PRKG1: variants seen among roughly 807,000 people sequenced by gnomAD.
The protein encoded by PRKG1 is cGMP-dependent protein kinase 1.
A neutral mutation model predicts 88.1 loss-of-function variants in PRKG1; 35 were observed. The observed-to-expected ratio is 0.40, with a 90% CI of 0.30 to 0.53. The LOEUF (loss-of-function observed/expected upper bound fraction) is 0.53, where lower values mean the gene tolerates loss of function less well. Ranked by LOEUF, PRKG1 falls within the 20% of genes least tolerant of loss-of-function variation. PRKG1 has a pLI of 0.59. For missense variants in PRKG1, 540 were observed against 839.8 expected, an observed-to-expected ratio of 0.64 and a Z score of 4.41; for synonymous variants, 303 against 292.5, an observed-to-expected ratio of 1.04 and a Z score of -0.37.
At chr10:52,108,163 T>C (rs754272870) in intron 7 of PRKG1, among the ~76,000 whole-genome samples, 59 of 152,336 alleles carry the variant, frequency 3.9e-4, no homozygotes, top group Middle Eastern at 3.4e-3. Context: ...AATACAAATA[T>C]TGACTCCAGT....
chr10:52,045,517 A>G (rs1426029151), intron 5 of PRKG1, among the ~76,000 whole-genome samples: 1 of 152,110 alleles, frequency 6.6e-6, no homozygotes, highest in East Asian at 1.9e-4. Context: ...TTGTTATGAC[A>G]TAAAGGAATG....
chr10:51,967,319 C>A (rs905920277), intron 5 of PRKG1, among the ~76,000 whole-genome samples: 5 of 152,140 alleles, frequency 3.3e-5, no homozygotes, highest in African/African-American at 7.2e-5. Context: ...GGACAAAAAA[C>A]CAAACACCAC....
chr10:51,593,622 G>A (rs1838366433), intron 3 of PRKG1, among the ~76,000 whole-genome samples: 1 of 152,094 alleles, frequency 6.6e-6, no homozygotes, highest in Non-Finnish European at 1.5e-5. Context: ...CACTCAACAT[G>A]GTAAAGGCAT....
intron 3 of PRKG1, among the ~76,000 whole-genome samples, chr10:51,743,735 T>TA (rs1491357636): frequency 8.8e-5 from 3 of 34,170 alleles, no homozygotes; most frequent in African/African-American, 4.6e-4. Flanking sequence ...TAATATAAAC[T>TA]AAATATATAT....
intron 5 of PRKG1, among the ~76,000 whole-genome samples, chr10:52,008,017 C>A (rs11000434): frequency 0.13 from 19,836 of 152,094 alleles, 1,701 homozygotes; most frequent in Non-Finnish European, 0.18. Flanking sequence ...ACAATCTGCT[C>A]CTGTATGACT....
intron 5 of PRKG1, among the ~76,000 whole-genome samples, chr10:52,045,148 A>G (rs574462384): frequency 6.6e-6 from 1 of 152,064 alleles, no homozygotes; most frequent in Admixed American, 6.6e-5. Context: ...CAATCCCAGC[A>G]CCTTAATAAG....
chr10:52,068,455 C>T (rs1335919374), intron 7 of PRKG1, among the ~76,000 whole-genome samples: 1 of 152,052 alleles, frequency 6.6e-6, no homozygotes, highest in African/African-American at 2.4e-5. Flanking sequence ...AGCCAGATTG[C>T]CTGCTTTGGA....
chr10:51,012,523 C>A (rs905019585), intron 1 of PRKG1, among the ~76,000 whole-genome samples: 1 of 152,200 alleles, frequency 6.6e-6, no homozygotes, highest in East Asian at 1.9e-4. Flanking sequence ...CATGGGCATA[C>A]AATCAGTGAG....
At chr10:52,252,807 G>A (rs1459704271) in intron 10 of PRKG1, 3 of 150,820 alleles carry the variant, frequency 2.0e-5, no homozygotes, top group Non-Finnish European at 4.4e-5. Flanking sequence ...AGTCCATAGT[G>A]TGCCTTTGAC....
intron 9 of PRKG1, among the ~76,000 whole-genome samples, chr10:52,230,261 A>T (rs1194400420): frequency 6.6e-6 from 1 of 152,188 alleles, no homozygotes; most frequent in Non-Finnish European, 1.5e-5. Context: ...ATCCCAGCCA[A>T]GGGGTGAGGG....
chr10:51,793,673 T>C (rs1838931240), intron 3 of PRKG1, among the ~76,000 whole-genome samples: 2 of 152,116 alleles, frequency 1.3e-5, no homozygotes, highest in South Asian at 2.1e-4. Context: ...AATTCCAATA[T>C]GCCTAGCAGC....
chr10:51,136,425 A>G (rs1589184391), intron 1 of PRKG1, among the ~76,000 whole-genome samples: 2 of 152,210 alleles, frequency 1.3e-5, no homozygotes, highest in East Asian at 3.9e-4. Context: ...TAGTAATTTC[A>G]GCGAAATTAT....
chr10:51,782,687 G>C (rs1256658852), intron 3 of PRKG1, among the ~76,000 whole-genome samples: 1 of 152,096 alleles, frequency 6.6e-6, no homozygotes, highest in Non-Finnish European at 1.5e-5. Context: ...TCATGGTAGT[G>C]AATAAGTCTC....
intron 3 of PRKG1, among the ~76,000 whole-genome samples, chr10:51,733,593 T>G (rs988706337): frequency 1.3e-5 from 2 of 152,198 alleles, no homozygotes; most frequent in African/African-American, 4.8e-5. Flanking sequence ...AGTTAGAGTC[T>G]AAATATCAGA....
At chr10:51,912,510 T>C (rs1842240626) in intron 5 of PRKG1, among the ~76,000 whole-genome samples, 1 of 152,204 alleles carries the variant, frequency 6.6e-6, no homozygotes, top group African/African-American at 2.4e-5. Context: ...TTATTGACTA[T>C]TCATTCTGAA....
chr10:51,264,207 G>A (rs1384810213), intron 2 of PRKG1, among the ~76,000 whole-genome samples: 2 of 152,142 alleles, frequency 1.3e-5, no homozygotes, highest in East Asian at 1.9e-4. Context: ...CTTTGAACCT[G>A]ATGTATGTCA....
At chr10:51,735,263 G>T (rs16922260) in intron 3 of PRKG1, among the ~76,000 whole-genome samples, 6,291 of 152,152 alleles carry the variant, frequency 0.041, 432 homozygotes, top group African/African-American at 0.14. Context: ...AATTCCTTGC[G>T]CAGAGTTCAG....
intron 1 of PRKG1, among the ~76,000 whole-genome samples, chr10:51,051,594 A>C (rs1282057914): frequency 1.3e-5 from 2 of 152,148 alleles, no homozygotes; most frequent in African/African-American, 4.8e-5. Context: ...CCAGGACTTC[A>C]GCATATCTGT....
chr10:51,843,833 C>CA (rs1840337974), intron 4 of PRKG1, among the ~76,000 whole-genome samples: 1 of 152,064 alleles, frequency 6.6e-6, no homozygotes. Flanking sequence ...TCCCATACCC[C>CA]CACACACACA....
Sources: gnomAD v4.1 joint callset for allele counts (sites outside exome capture counted in the v4.1 genomes callset) on GRCh38, gnomAD v4.1.1 for gene constraint, MANE v1.5 for transcripts, NCBI Gene and HGNC (gene_info 2026-07-23, HGNC 2026-07-21) for gene names.